ZNF718: variants seen among roughly 807,000 people sequenced by gnomAD.
ZNF718 encodes zinc finger protein 718.
In ZNF718, 3 loss-of-function variants were observed where a neutral mutation model predicts 2.6. The ratio of observed to expected loss-of-function variants is 1.16; its 90% CI spans 0.53 to 3.01. ZNF718 has a LOEUF of 3.01. Ranked by LOEUF, ZNF718 falls within the 30% of genes most tolerant of loss-of-function variation. ZNF718 has a pLI of 0.03. For missense variants in ZNF718, 468 were observed against 230.0 expected, an observed-to-expected ratio of 2.03 and a Z score of -6.69; for synonymous variants, 135 against 77.9, an observed-to-expected ratio of 1.73 and a Z score of -3.86.
intron 4 of ZNF718, chr4:201,457 A>T (rs7670453): frequency 3.3e-5 from 5 of 152,598 alleles, no homozygotes; most frequent in African/African-American, 1.2e-4. Context: ...CTTTCTAATA[A>T]GTCAAGATGT....
intron 3 of ZNF718, among the ~76,000 whole-genome samples, chr4:200,414 A>G (rs933926130): frequency 6.6e-6 from 1 of 152,124 alleles, no homozygotes; most frequent in Non-Finnish European, 1.5e-5. Flanking sequence ...GATTACAGGC[A>G]TGTGCCACCA....
intron 1 of ZNF718, among the ~76,000 whole-genome samples, chr4:125,668 G>T (rs1715177150): frequency 6.6e-6 from 1 of 152,166 alleles, no homozygotes; most frequent in South Asian, 2.1e-4. Flanking sequence ...CCTCCTCCCG[G>T]GGAGAAAGGG....
chr4:172,289 A>G (rs1040176222), intron 3 of ZNF718, among the ~76,000 whole-genome samples: 15 of 152,222 alleles, frequency 9.9e-5, no homozygotes, highest in African/African-American at 3.4e-4. Context: ...GTTTCAAATG[A>G]CAAGATTTTT....
intron 3 of ZNF718, among the ~76,000 whole-genome samples, chr4:137,717 C>G (rs1267556831): frequency 6.6e-6 from 1 of 151,682 alleles, no homozygotes; most frequent in Non-Finnish European, 1.5e-5. Context: ...GGAGTTTATT[C>G]TGGGTGTTAA....
Position 164,033 on chromosome 4 carries a change from T to G in ZNF718, c.*1911T>G, listed in dbSNP as rs1717025824. The G allele has an allele frequency of 6.6e-6, 1 of 152,038 alleles. No homozygotes were observed. The highest frequency in any genetic ancestry group is 1.5e-5 in the Non-Finnish European group (1 of 67,950). The allele number at this position is 152,038 out of a possible 1,614,324, so 9.4% of individuals were successfully genotyped here. On this transcript the variant is annotated 3_prime_UTR_variant, in exon 4 of 4. Transcript: ENST00000510175. ...ACAAACAATCCAATTATACACTTCA[T>G]TTTTAAATGTACAATTAAATTATTT...
intron 3 of ZNF718, among the ~76,000 whole-genome samples, chr4:176,442 A>G (rs1346991947): frequency 3.3e-5 from 5 of 152,186 alleles, no homozygotes; most frequent in East Asian, 1.9e-4. Context: ...ATCTCTATGC[A>G]TCTATGCTAC....
chr4:173,433 T>G (rs1717280103), intron 3 of ZNF718, among the ~76,000 whole-genome samples: 1 of 152,210 alleles, frequency 6.6e-6, no homozygotes, highest in African/African-American at 2.4e-5. Context: ...TTCTATTTGT[T>G]TATAAAACTT....
At chr4:179,808 A>C (rs1717428315) in intron 3 of ZNF718, among the ~76,000 whole-genome samples, 1 of 152,222 alleles carries the variant, frequency 6.6e-6, no homozygotes, top group African/African-American at 2.4e-5. Context: ...AAGGAAGGTA[A>C]ATTCTCAGTG....
rs1553814918 is a variant in ZNF718 at position 161,128 on chromosome 4, G to A, written c.443G>A (p.Cys148Tyr). 2.6e-6 allele frequency: 2 copies of A among 758,190 alleles called. No homozygotes were observed. Among genetic ancestry groups the A allele is most frequent in the Non-Finnish European group, 2.5e-6 (1 of 406,232 alleles). The allele number at this position is 758,190 out of a possible 1,614,324, so 47.0% of individuals were successfully genotyped here. A position where few individuals can be genotyped will look rare whatever the true frequency, so the allele number is the denominator to read the frequency against. Residue 148 changes from cysteine to tyrosine, a missense_variant, in exon 4 of 4, where the codon TGT (cysteine) becomes TAT (tyrosine). Cys to Tyr is a radical substitution (Grantham distance 194). Transcript: ENST00000510175. ...TQKKTIQSNI[C>Y]VKVFHKFSNS... is the part of the protein sequence containing the mutation. ...AAAAAAACAATTCAATCTAATATAT[G>A]TGTCAAAGTTTTTCATAAATTTTCA...
chr4:133,775 A>G (rs1231826698), intron 3 of ZNF718, among the ~76,000 whole-genome samples: 4 of 152,248 alleles, frequency 2.6e-5, no homozygotes, highest in African/African-American at 4.8e-5. Flanking sequence ...CTGTACATAC[A>G]TGTGCAACCT....
intron 3 of ZNF718, among the ~76,000 whole-genome samples, chr4:160,116 G>A (rs1219584901): frequency 6.6e-6 from 1 of 152,178 alleles, no homozygotes. Context: ...TTTGGTCTCA[G>A]CAGACTCACC....
At chr4:196,820 CA>C (rs1262171821) in intron 3 of ZNF718, among the ~76,000 whole-genome samples, 10 of 152,054 alleles carry the variant, frequency 6.6e-5, no homozygotes, top group African/African-American at 2.4e-4. Flanking sequence ...TTTAGTCTGG[CA>C]GCCACGCTAA....
intron 3 of ZNF718, among the ~76,000 whole-genome samples, chr4:170,361 G>A (rs539431256): frequency 1.2e-4 from 19 of 152,138 alleles, no homozygotes; most frequent in East Asian, 3.9e-4. Flanking sequence ...TCTTTGTGGC[G>A]ATCTCTGTAT....
intron 3 of ZNF718, among the ~76,000 whole-genome samples, chr4:171,257 G>A (rs1553817894): frequency 6.6e-6 from 1 of 152,118 alleles, no homozygotes; most frequent in Non-Finnish European, 1.5e-5. Context: ...ACCCCTACTG[G>A]GGGATGCCTC....
intron 3 of ZNF718, among the ~76,000 whole-genome samples, chr4:185,398 C>A (rs531024455): frequency 6.6e-6 from 1 of 152,118 alleles, no homozygotes; most frequent in Non-Finnish European, 1.5e-5. Context: ...TTTGCACTTG[C>A]TGAGGCATGT....
At position 127,427 on chromosome 4, in the gene ZNF718, G is replaced by A. The variant is rs1290821190; in HGVS notation, c.3+2754G>A. On this transcript the variant is annotated intron_variant, in intron 1 of 3. Coordinates refer to ENST00000510175, the MANE Select transcript of ZNF718 (RefSeq NM_001039127.6). Reference sequence around the variant, plus strand: ...CTCCTGTCATCTTCAGATCTGACACGGATTCAGAGATCACGGGGCCCATAA... The same window carrying A: ...CTCCTGTCATCTTCAGATCTGACACAGATTCAGAGATCACGGGGCCCATAA... Among the ~76,000 whole-genome samples the A allele has an allele frequency of 1.9e-5, 2 of 103,522 alleles. 1 individual carries two copies. Among genetic ancestry groups the A allele is most frequent in the Non-Finnish European group, 4.3e-5 (2 of 46,558 alleles). The allele number at this position is 103,522 out of a possible 152,430, so 67.9% of individuals were successfully genotyped here.
chr4:129,117 ATTG>A (rs1326258166), intron 1 of ZNF718, among the ~76,000 whole-genome samples: 1 of 104,774 alleles, frequency 9.5e-6, no homozygotes, highest in Non-Finnish European at 2.1e-5. Flanking sequence ...CAGAAGAGAA[ATTG>A]TTGTTATTAT....
intron 3 of ZNF718, among the ~76,000 whole-genome samples, chr4:192,116 G>A (rs1553821319): frequency 1.3e-5 from 2 of 152,204 alleles, no homozygotes; most frequent in African/African-American, 4.8e-5. Flanking sequence ...GGATCCAGAA[G>A]GTTGGAAGTC....
In ZNF718 at chr4:201,386, G is replaced by A. The variant is rs184020711; in HGVS notation, c.*102+175G>A. ...TTTTATCACAGTGTTATTTTGGTGG[G>A]GTGGTTAGGTAGGAAATGAGTAGCT... On this transcript the variant is annotated intron_variant and NMD_transcript_variant, in intron 4 of 4. Coordinates refer to the ZNF718 transcript ENST00000642529. 34 of 152,408 alleles carry A rather than the reference G, an allele frequency of 2.2e-4. No individual in the cohort carries two copies. The East Asian group carries it at 2.9e-3, about 13-fold the overall frequency. 9.4% of individuals were successfully genotyped at this position (152,408 alleles called of 1,614,324 possible).
Sources: allele counts gnomAD v4.1 joint callset (sites outside exome capture counted in the v4.1 genomes callset), GRCh38; gene constraint gnomAD v4.1.1; transcripts MANE v1.5; gene names NCBI Gene and HGNC (gene_info 2026-07-23, HGNC 2026-07-21).